Variants in ETHE1 observed in about 807,000 individuals in gnomAD.
ETHE1 encodes persulfide dioxygenase ETHE1, mitochondrial.
In ETHE1, 16 loss-of-function variants were observed where a neutral mutation model predicts 25.7. The observed-to-expected ratio is 0.62, with a 90% CI of 0.42 to 0.95. The LOEUF is 0.95. Ranked by LOEUF, ETHE1 falls within the 40% of genes least tolerant of loss-of-function variation. ETHE1 has a pLI of 0.00. For missense variants in ETHE1, 300 were observed against 333.6 expected (o/e 0.90, Z 0.79); for synonymous variants, 139 against 135.9 (o/e 1.02, Z -0.16).
chr19:43,507,759 C>T (rs1272485509), intron 6 of ETHE1, 185 bp downstream of exon 6: 1 of 458,534 alleles, frequency 2.2e-6, no homozygotes, highest in African/African-American at 2.2e-5. Flanking sequence ...AGCCCCTCCT[C>T]CCTTAGACCC....
At chr19:43,525,954 G>C in intron 3 of ETHE1, 1 of 583,758 alleles carries the variant, frequency 1.7e-6, no homozygotes, top group Non-Finnish European at 3.0e-6. Flanking sequence ...CTTTAGGAAG[G>C]AAACTCCTTA....
chr19:43,526,615 G>A lies in ETHE1; in HGVS notation c.126C>T (p.Asp42=). 6.2e-7 allele frequency: 1 copy of A among 1,614,112 alleles called. No homozygotes were observed. Among genetic ancestry groups the A allele is most frequent in the East Asian group, 2.2e-5 (1 of 44,886 alleles). The part of the protein sequence containing the change: ...VSCTFTYLLG[D]RESREAVLID... ...TCAGAACGGCCTCCCGGGACTCTCTGTCACCCAGCAGGTACGTGAAGGTGC... is the reference window on the plus strand; with the variant it reads ...TCAGAACGGCCTCCCGGGACTCTCTATCACCCAGCAGGTACGTGAAGGTGC... The change falls in exon 2 of 7, where the codon GAC becomes GAT. Residue 42 remains aspartate (D), a synonymous_variant. Coordinates refer to ENST00000292147, the MANE Select transcript of ETHE1 (RefSeq NM_014297.5).
intron 6 of ETHE1, among the ~76,000 whole-genome samples, chr19:43,507,394 TCCTCCTCCCCCAGTC>T (rs1568490733): frequency 4.2e-5 from 1 of 23,612 alleles, no homozygotes; most frequent in Non-Finnish European, 7.6e-5. Flanking sequence ...GGCCCCCAGC[TCCTCCTCCCCCAGTC>T]CCTCCTCCCT....
chr19:43,515,191 C>A (rs1306488647), intron 3 of ETHE1, among the ~76,000 whole-genome samples: 5 of 151,952 alleles, frequency 3.3e-5, no homozygotes, highest in Admixed American at 2.0e-4. Flanking sequence ...CCGAGGCGGG[C>A]AAATCACCTG....
At position 43,508,816 on chromosome 19, in the gene ETHE1, A is replaced by C. The variant is rs387906987; in HGVS notation, c.554T>G (p.Leu185Arg). Residue 185 changes from leucine (L) to arginine (R), a missense_variant, in exon 5 of 7, where the codon CTT becomes CGT. Physicochemically the swap from Leu to Arg is moderately radical, Grantham distance 102. Coordinates refer to ENST00000292147, the MANE Select transcript of ETHE1 (RefSeq NM_014297.5). ...AGGGTAGATCAGACAGTCTCCTGGA[A>C]GTGTGAAGATCTTTTCATGGACCGA... is the stretch of plus-strand genomic sequence containing the variant. ...YHSVHEKIFTLPGDCLIYPAH... is the reference protein window; with the variant it reads ...YHSVHEKIFTRPGDCLIYPAH... The C allele has an allele frequency of 1.6e-5, 26 of 1,608,944 alleles. No individual in the cohort carries two copies. The highest frequency in any genetic ancestry group is 2.0e-5 in the Non-Finnish European group (24 of 1,178,116).
intron 6 of ETHE1, 134 bp from the exon 7 acceptor site, chr19:43,507,036 A>C (rs1432018244): frequency 2.3e-6 from 2 of 857,804 alleles, no homozygotes; most frequent in Admixed American, 2.0e-5. Flanking sequence ...TCCTTCCCTC[A>C]GACCCAGGAG....
At chr19:43,518,999 GTTTTTTTTTTTT>G (rs71169253) in intron 3 of ETHE1, among the ~76,000 whole-genome samples, 17 of 91,012 alleles carry the variant, frequency 1.9e-4, no homozygotes, top group Admixed American at 4.4e-4. Flanking sequence ...ATTTGTGCTT[GTTTTTTTTTTTT>G]TTTTTTTTTT....
chr19:43,518,254 C>T (rs1188620829), intron 3 of ETHE1, among the ~76,000 whole-genome samples: 5 of 151,854 alleles, frequency 3.3e-5, no homozygotes, highest in Admixed American at 2.6e-4. Flanking sequence ...CCGTGGCTCA[C>T]ACCTATAATT....
In ETHE1 at chr19:43,526,134, T is replaced by G. The variant is rs1214625912; in HGVS notation, c.375+67A>C. Reference sequence around the variant, plus strand: ...AGGACTCAGGATCCCAGGCCCCCAGTCCCCTCTTCCCTTAAGTTTAAGAAG... The same window carrying G: ...AGGACTCAGGATCCCAGGCCCCCAGGCCCCTCTTCCCTTAAGTTTAAGAAG... On this transcript the variant is annotated intron_variant, in intron 3 of 6. Transcript: ENST00000292147. The G allele has an allele frequency of 4.3e-6, 7 of 1,610,826 alleles. No homozygotes were observed. The East Asian group carries it at 8.9e-5, about 21-fold the overall frequency.
intron 2 of ETHE1, 71 bp downstream of exon 2, chr19:43,526,444 C>CT (rs955493242): frequency 6.2e-7 from 1 of 1,600,844 alleles, no homozygotes; most frequent in Non-Finnish European, 8.5e-7. Flanking sequence ...AGTTCTGGGC[C>CT]CCAGCTTCCC....
chr19:43,519,940 A>T (rs1385014671), intron 3 of ETHE1, among the ~76,000 whole-genome samples: 3 of 151,978 alleles, frequency 2.0e-5, no homozygotes, highest in African/African-American at 7.2e-5. Context: ...ACAGCAAGGC[A>T]TGATGGTGCA....
chr19:43,519,159 G>A (rs1377013452), intron 3 of ETHE1, among the ~76,000 whole-genome samples: 8 of 151,328 alleles, frequency 5.3e-5, no homozygotes, highest in Non-Finnish European at 2.9e-5. Context: ...TTACAGGAGC[G>A]TGCCACCATG....
chr19:43,522,968 T>C lies in ETHE1; in HGVS notation c.375+3233A>G, dbSNP rs140435188. Among the ~76,000 whole-genome samples the C allele has an allele frequency of 4.8e-3, 729 of 152,312 alleles. 1 individual carries two copies. The highest frequency in any genetic ancestry group is 8.0e-3 in the Non-Finnish European group (544 of 68,038). On this transcript the variant is annotated intron_variant, in intron 3 of 6. Transcript: ENST00000292147. Reference sequence around the variant, plus strand: ...AGAAAAAGGTGGCCAACTGCTGCTCTATAGCAATAAGAAGGAAAGAACTCC... The same window carrying C: ...AGAAAAAGGTGGCCAACTGCTGCTCCATAGCAATAAGAAGGAAAGAACTCC...
chr19:43,517,638 G>A lies in ETHE1; in HGVS notation c.376-6072C>T, dbSNP rs570499485. Among the ~76,000 whole-genome samples, 57 of 151,944 alleles carry A rather than the reference G, an allele frequency of 3.8e-4. 1 individual carries two copies. The South Asian group carries it at 0.011, about 30-fold the overall frequency. The stretch of plus-strand genomic sequence containing the variant: ...CAAAACATACAAATATTAGTCAGGC[G>A]TGGTGGTGATGTCTGTAATCCCAGC... On this transcript the variant is annotated intron_variant, in intron 3 of 6. Transcript: ENST00000292147.
intron 3 of ETHE1, among the ~76,000 whole-genome samples, chr19:43,516,541 C>T (rs1300466155): frequency 6.6e-6 from 1 of 151,922 alleles, no homozygotes; most frequent in Non-Finnish European, 1.5e-5. Flanking sequence ...CTCAAATGAT[C>T]CGCCTGCCTC....
In ETHE1 at chr19:43,518,999, G is replaced by GTTTTTTTTTTTTTTTT. The variant is rs71169253; in HGVS notation, c.375+7186_375+7201dup. ...CTGATGGCTGATGAAATTTGTGCTT[G>GTTTTTTTTTTTTTTTT]TTTTTTTTTTTTTTTTTTTTTTTTT... On this transcript the variant is annotated intron_variant, in intron 3 of 6. Transcript: ENST00000292147. Among the ~76,000 whole-genome samples the GTTTTTTTTTTTTTTTT allele has an allele frequency of 5.5e-5, 5 of 91,010 alleles. 1 individual carries two copies. Among genetic ancestry groups the GTTTTTTTTTTTTTTTT allele is most frequent in the East Asian group, 4.0e-4 (1 of 2,482 alleles). The allele number at this position is 91,010 out of a possible 152,430, so 59.7% of individuals were successfully genotyped here. A position where few individuals can be genotyped will look rare whatever the true frequency, so the allele number is the denominator to read the frequency against.
intron 3 of ETHE1, among the ~76,000 whole-genome samples, chr19:43,521,965 G>C (rs764902465): frequency 4.1e-4 from 63 of 152,140 alleles, no homozygotes; most frequent in Non-Finnish European, 7.8e-4. Context: ...TGTACTTTGG[G>C]AGGCTGAGGC....
intron 3 of ETHE1, among the ~76,000 whole-genome samples, chr19:43,520,095 T>G (rs1158890292): frequency 6.8e-6 from 1 of 147,820 alleles, no homozygotes; most frequent in Non-Finnish European, 1.5e-5. Context: ...AAACCTGTAA[T>G]CTTAGCACTT....
At chr19:43,507,921 A>G in intron 6 of ETHE1, 23 bp downstream of exon 6, 1 of 1,611,592 alleles carries the variant, frequency 6.2e-7, no homozygotes, top group South Asian at 1.1e-5. Flanking sequence ...CAGACCCAGA[A>G]GTCCAGGTCC....
Sources: allele counts gnomAD v4.1 joint callset (sites outside exome capture counted in the v4.1 genomes callset), GRCh38; gene constraint gnomAD v4.1.1; transcripts MANE v1.5; gene names NCBI Gene and HGNC (gene_info 2026-07-23, HGNC 2026-07-21).